The following IGSF10 variants were observed in gnomAD, a reference collection of about 807,000 sequenced individuals.
IGSF10 encodes calvaria mechanical force protein 608.
A neutral mutation model predicts 128.2 loss-of-function variants in IGSF10; 126 were observed. That is an observed-to-expected ratio of 0.98 (90% CI 0.85 to 1.14). IGSF10 has a LOEUF of 1.14. Ranked by LOEUF, IGSF10 falls within the 50% of genes most tolerant of loss-of-function variation. The pLI, the probability that IGSF10 is intolerant of heterozygous loss-of-function variation, is 0.00. For synonymous variants in IGSF10, 1,185 were observed against 1,146.2 expected (o/e 1.03, Z -0.68); for missense variants, 3,295 against 3,149.8 (o/e 1.05, Z -1.10).
chr3:151,582,298 G>GGT, the IGSF10 span, among the ~76,000 whole-genome samples: 3 of 111,140 alleles, frequency 2.7e-5, no homozygotes, highest in East Asian at 3.3e-4. Flanking sequence ...TATCCGGGGG[G>GGT]GGGGGCGGGA....
the IGSF10 span, among the ~76,000 whole-genome samples, chr3:151,600,067 C>T: frequency 4.3e-3 from 655 of 152,286 alleles, 5 homozygotes; most frequent in African/African-American, 0.015. Flanking sequence ...ATTGTAGTAT[C>T]ATGAAGTTGT....
chr3:151,497,292 G>A, the IGSF10 span, among the ~76,000 whole-genome samples: 1 of 152,118 alleles, frequency 6.6e-6, no homozygotes, highest in Non-Finnish European at 1.5e-5. Flanking sequence ...TTTCTTCTAG[G>A]GTTTTTATGG....
At chr3:151,490,439 C>A in the IGSF10 span, among the ~76,000 whole-genome samples, 1 of 150,908 alleles carries the variant, frequency 6.6e-6, no homozygotes, top group African/African-American at 2.4e-5. Context: ...TTTTGATATC[C>A]CATATTCAAC....
chr3:151,473,808 C>G, the IGSF10 span, among the ~76,000 whole-genome samples: 4 of 152,070 alleles, frequency 2.6e-5, no homozygotes, highest in Non-Finnish European at 5.9e-5. Flanking sequence ...TGGTTCAGAT[C>G]TTGTTATTTT....
chr3:151,479,787 A>C, the IGSF10 span, among the ~76,000 whole-genome samples: 122,805 of 152,078 alleles, frequency 0.81, 49,664 homozygotes, highest in Middle Eastern at 0.92. Flanking sequence ...GCAAACAGAC[A>C]CATTTAACTA....
At chr3:151,434,807 A>G (rs554843511), downstream of IGSF10, 3 of 152,350 alleles carry the variant, frequency 2.0e-5, no homozygotes, top group Non-Finnish European at 4.4e-5. Flanking sequence ...TGAGTGTTAT[A>G]ATTGCATAGC....
chr3:151,449,530 T>A (rs545988705), intron 5 of IGSF10, among the ~76,000 whole-genome samples: 3 of 152,238 alleles, frequency 2.0e-5, no homozygotes. Context: ...GCCTGATATA[T>A]ATTTGGTACC....
At chr3:151,539,260 GC>G in the IGSF10 span, among the ~76,000 whole-genome samples, 1 of 152,172 alleles carries the variant, frequency 6.6e-6, no homozygotes, top group African/African-American at 2.4e-5. Context: ...GTGGAGGCTT[GC>G]TCTGTAACCC....
At chr3:151,564,005 A>T in the IGSF10 span, among the ~76,000 whole-genome samples, 1 of 152,144 alleles carries the variant, frequency 6.6e-6, no homozygotes, top group Non-Finnish European at 1.5e-5. Flanking sequence ...CTAAGATCTA[A>T]ATTCAGGCAG....
At chr3:151,487,963 T>G in the IGSF10 span, among the ~76,000 whole-genome samples, 98 of 152,258 alleles carry the variant, frequency 6.4e-4, 1 homozygote, top group Middle Eastern at 0.01. Flanking sequence ...AAACATAGTA[T>G]TGGAAGTTCT....
the IGSF10 span, among the ~76,000 whole-genome samples, chr3:151,561,608 A>G: frequency 6.6e-6 from 1 of 151,796 alleles, no homozygotes; most frequent in South Asian, 2.1e-4. Flanking sequence ...ATGTGGCTTT[A>G]AAAAGAGTAA....
chr3:151,604,811 A>G, the IGSF10 span, among the ~76,000 whole-genome samples: 1 of 152,172 alleles, frequency 6.6e-6, no homozygotes, highest in South Asian at 2.1e-4. Context: ...GCATTTAATT[A>G]GTGAATACTG....
rs1577669082 is a variant in IGSF10, at chr3:151,446,101, G to A, written c.3880C>T (p.Leu1294Phe). ...ATAATACTAGGAAGCATAGGGTTAA[G>A]GGGTGGGAAGGGAAGCTCCTTCTTT... ...PTKKELPFPP[L>F]NPMLPSIISK... The change falls in exon 6 of 8, where the codon CTT (leucine) becomes TTT (phenylalanine). Residue 1294 changes from leucine (L) to phenylalanine (F), a missense_variant. Leu to Phe is a conservative substitution (Grantham distance 22). Coordinates refer to ENST00000282466, the MANE Select transcript of IGSF10 (RefSeq NM_178822.5). 1.9e-6 allele frequency: 3 copies of A among 1,614,220 alleles called. No homozygotes were observed. In the East Asian group the frequency reaches 6.7e-5, roughly 36 times the overall value.
the IGSF10 span, among the ~76,000 whole-genome samples, chr3:151,579,069 G>C: frequency 6.6e-6 from 1 of 152,150 alleles, no homozygotes; most frequent in African/African-American, 2.4e-5. Flanking sequence ...CTAAAGTCAA[G>C]GGTTGAAAAG....
At chr3:151,440,644 C>T (rs1406294180) in intron 7 of IGSF10, 1 of 456,570 alleles carries the variant, frequency 2.2e-6, no homozygotes, top group African/African-American at 2.0e-5. Flanking sequence ...TTTCCTAATG[C>T]TTTCTAAAAG....
chr3:151,591,309 T>A, the IGSF10 span, among the ~76,000 whole-genome samples: 3 of 150,502 alleles, frequency 2.0e-5, no homozygotes. Context: ...AATATAAACA[T>A]CTTAGTATGC....
the IGSF10 span, among the ~76,000 whole-genome samples, chr3:151,505,786 T>C: frequency 6.6e-6 from 1 of 152,196 alleles, no homozygotes; most frequent in Non-Finnish European, 1.5e-5. Context: ...AAAGACTTTA[T>C]AAAAGGCAAA....
Position 151,443,037 on chromosome 3 carries a change from T to C in IGSF10, c.5910A>G (p.Lys1970=). The change falls in exon 7 of 8, where the codon AAA becomes AAG. Residue 1970 remains lysine (K), a synonymous_variant. Coordinates refer to ENST00000282466, the MANE Select transcript of IGSF10 (RefSeq NM_178822.5). ...LLNCSATGEP[K]PQIMWRLPSK... ...ATGGTAACCTCCACATTATTTGGGG[T>C]TTGGGCTCCCCAGTGGCTGAGCAGT... 1 of 1,614,172 alleles carries C rather than the reference T, an allele frequency of 6.2e-7. No individual in the cohort carries two copies. Among genetic ancestry groups the C allele is most frequent in the Non-Finnish European group, 8.5e-7 (1 of 1,180,024 alleles).
chr3:151,576,116 T>C, the IGSF10 span, among the ~76,000 whole-genome samples: 34 of 151,974 alleles, frequency 2.2e-4, no homozygotes, highest in South Asian at 2.1e-4. Flanking sequence ...ATGTCTGTTA[T>C]CTTTTTCTTA....
Sources: allele counts gnomAD v4.1 joint callset (sites outside exome capture counted in the v4.1 genomes callset), GRCh38; gene constraint gnomAD v4.1.1; transcripts MANE v1.5; gene names NCBI Gene and HGNC (gene_info 2026-07-23, HGNC 2026-07-21).